Variants in USH2A observed in about 807,000 individuals in gnomAD.
USH2A encodes usherin.
Under a neutral mutation model 538.9 loss-of-function variants are expected in USH2A, and 443 were observed. The observed-to-expected ratio is 0.82, with a 90% CI of 0.76 to 0.89. USH2A has a LOEUF of 0.89. Ranked by LOEUF, USH2A falls within the 40% of genes least tolerant of loss-of-function variation. The pLI is 0.00. For missense variants in USH2A, 6,633 were observed against 6,324.8 expected (o/e 1.05, Z -1.65); for synonymous variants, 2,413 against 2,273.5 (o/e 1.06, Z -1.75).
chr1:215,627,768 T>C (rs1318724744), intron 71 of USH2A, among the ~76,000 whole-genome samples: 2 of 152,174 alleles, frequency 1.3e-5, no homozygotes, highest in African/African-American at 4.8e-5. Flanking sequence ...GACCTCGTGA[T>C]CCGCCCACCT....
At chr1:216,356,447 T>C (rs1427303829) in intron 4 of USH2A, among the ~76,000 whole-genome samples, 1 of 152,094 alleles carries the variant, frequency 6.6e-6, no homozygotes, top group Non-Finnish European at 1.5e-5. Context: ...TAAAAAGCAA[T>C]TATTTGCAAT....
At chr1:216,100,272 G>A (rs909591860) in intron 21 of USH2A, among the ~76,000 whole-genome samples, 1 of 152,080 alleles carries the variant, frequency 6.6e-6, no homozygotes, top group Non-Finnish European at 1.5e-5. Context: ...TACAGAACAC[G>A]AATTAGAAAA....
chr1:215,775,967 A>T (rs1014513787), intron 55 of USH2A, among the ~76,000 whole-genome samples: 1 of 152,218 alleles, frequency 6.6e-6, no homozygotes, highest in Non-Finnish European at 1.5e-5. Flanking sequence ...CCAGAGTAAG[A>T]GACACATAGG....
intron 51 of USH2A, among the ~76,000 whole-genome samples, chr1:215,788,175 G>T (rs1303351442): frequency 6.6e-6 from 1 of 152,148 alleles, no homozygotes; most frequent in Non-Finnish European, 1.5e-5. Context: ...ACAAGACAGT[G>T]CATACCTTTT....
At chr1:215,875,073 G>T (rs1030344856) in intron 43 of USH2A, among the ~76,000 whole-genome samples, 1 of 152,122 alleles carries the variant, frequency 6.6e-6, no homozygotes, top group Non-Finnish European at 1.5e-5. Flanking sequence ...GGTGGCCAGT[G>T]GCACCATCTA....
chr1:215,874,783 G>A (rs998882523), intron 43 of USH2A, among the ~76,000 whole-genome samples: 7 of 152,170 alleles, frequency 4.6e-5, no homozygotes, highest in Non-Finnish European at 8.8e-5. Flanking sequence ...TTTTATTTAT[G>A]CAGACGTTAA....
intron 3 of USH2A, among the ~76,000 whole-genome samples, chr1:216,372,900 T>C (rs1472250801): frequency 6.6e-6 from 1 of 152,234 alleles, no homozygotes; most frequent in Non-Finnish European, 1.5e-5. Flanking sequence ...GGAGAACAGA[T>C]GATTTCCAAA....
At chr1:216,267,979 C>T (rs920285128) in intron 11 of USH2A, among the ~76,000 whole-genome samples, 59 of 152,076 alleles carry the variant, frequency 3.9e-4, no homozygotes, top group African/African-American at 1.3e-3. Context: ...TGAACACTTA[C>T]GATATTGCAG....
intron 61 of USH2A, among the ~76,000 whole-genome samples, chr1:215,707,699 G>C (rs1407715929): frequency 6.6e-6 from 1 of 152,102 alleles, no homozygotes; most frequent in Non-Finnish European, 1.5e-5. Context: ...TCTTTTTCTG[G>C]CATGGTTCTA....
intron 21 of USH2A, among the ~76,000 whole-genome samples, chr1:216,138,934 GTGTGTGTGTATATATA>G (rs1367249481): frequency 1.3e-5 from 2 of 151,418 alleles, no homozygotes; most frequent in Non-Finnish European, 3.0e-5. Flanking sequence ...GTGTGTGTGT[GTGTGTGTGTATATATA>G]TGTGTGTGTA....
In USH2A at chr1:215,924,204, A is replaced by G. The variant is rs1357565226; in HGVS notation, c.7300+10412T>C. The stretch of plus-strand genomic sequence containing the variant: ...CTAGTTTCATTTGTCCCAATTAATT[A>G]ACAATCATGAAAAGCATAGTGGTTG... On this transcript the variant is annotated intron_variant, in intron 38 of 71. Coordinates refer to ENST00000307340, the MANE Select transcript of USH2A (RefSeq NM_206933.4). Among the ~76,000 whole-genome samples the G allele has an allele frequency of 2.0e-5, 3 of 152,166 alleles. No individual in the cohort carries two copies. The East Asian group carries it at 5.8e-4, about 29-fold the overall frequency.
In USH2A at chr1:215,836,542, A is replaced by T. The variant is rs12145549; in HGVS notation, c.9371+1449T>A. 5.1e-4 allele frequency among the ~76,000 whole-genome samples: 9 copies of T among 17,768 alleles called. 2 individuals carry two copies. The highest frequency in any genetic ancestry group is 6.6e-4 in the Non-Finnish European group (7 of 10,612). 11.7% of individuals were successfully genotyped at this position (17,768 alleles called of 152,430 possible). On this transcript the variant is annotated intron_variant, in intron 47 of 71. Transcript: ENST00000307340. ...TAATATATATTATATATATATATAT[A>T]ATATATATATATATATATATATATT...
At chr1:215,806,597 A>G (rs1015264944) in intron 49 of USH2A, among the ~76,000 whole-genome samples, 3 of 152,102 alleles carry the variant, frequency 2.0e-5, no homozygotes, top group Admixed American at 1.3e-4. Context: ...ACAATATTTA[A>G]TAACTTGGTC....
intron 32 of USH2A, among the ~76,000 whole-genome samples, chr1:216,034,166 A>G (rs1669191081): frequency 6.6e-6 from 1 of 152,208 alleles, no homozygotes; most frequent in Admixed American, 6.5e-5. Context: ...GGGGGAAACC[A>G]ACATTTGTGC....
At chr1:215,711,706 A>G (rs754430936) in intron 61 of USH2A, among the ~76,000 whole-genome samples, 1 of 152,186 alleles carries the variant, frequency 6.6e-6, no homozygotes, top group Non-Finnish European at 1.5e-5. Flanking sequence ...TAATGAATAA[A>G]TAGCATATAC....
At chr1:216,187,079 G>T (rs570773420) in intron 20 of USH2A, among the ~76,000 whole-genome samples, 1 of 152,054 alleles carries the variant, frequency 6.6e-6, no homozygotes, top group East Asian at 1.9e-4. Context: ...CTAGCACATT[G>T]TATGTGCTCA....
At chr1:215,937,337 T>C (rs924673162) in intron 37 of USH2A, among the ~76,000 whole-genome samples, 7 of 152,116 alleles carry the variant, frequency 4.6e-5, no homozygotes, top group African/African-American at 1.4e-4. Flanking sequence ...ATAATTTCAT[T>C]ATGCACTAAA....
At chr1:216,158,389 A>C (rs779435035) in intron 21 of USH2A, among the ~76,000 whole-genome samples, 4 of 151,986 alleles carry the variant, frequency 2.6e-5, no homozygotes, top group Non-Finnish European at 5.9e-5. Context: ...GTGCCTCACC[A>C]TGCCCAGCTA....
Position 215,838,106 on chromosome 1 carries a change from G to A in USH2A, c.9259-3C>T. ...GCATATATTGTGCAGACTTCAACCT[G>A]CAAACATTAGTTTAGAAAAAATAAA... On this transcript the variant is annotated splice_polypyrimidine_tract_variant and splice_region_variant and intron_variant, in intron 46 of 71. Coordinates refer to ENST00000307340, the MANE Select transcript of USH2A (RefSeq NM_206933.4). 1 of 1,610,204 alleles carries A rather than the reference G, an allele frequency of 6.2e-7. No individual in the cohort carries two copies. The highest frequency in any genetic ancestry group is 8.5e-7 in the Non-Finnish European group (1 of 1,176,538).
Sources: allele counts gnomAD v4.1 joint callset (sites outside exome capture counted in the v4.1 genomes callset), GRCh38; gene constraint gnomAD v4.1.1; transcripts MANE v1.5; gene names NCBI Gene and HGNC (gene_info 2026-07-23, HGNC 2026-07-21).